The following PDXDC1 variants were observed in gnomAD, a reference collection of about 807,000 sequenced individuals.
The protein encoded by PDXDC1 is pyridoxal dependent decarboxylase domain containing 1.
In PDXDC1, 42 loss-of-function variants were observed where a neutral mutation model predicts 100.1. The ratio of observed to expected loss-of-function variants is 0.42; its 90% CI spans 0.33 to 0.54. PDXDC1 has a LOEUF of 0.54. Ranked by LOEUF, PDXDC1 falls within the 20% of genes least tolerant of loss-of-function variation. The pLI is 0.10. For missense variants in PDXDC1, 636 were observed against 979.2 expected (o/e 0.65, Z 4.68); for synonymous variants, 260 against 371.7 (o/e 0.70, Z 3.46).
chr16:15,037,526 A>T lies in PDXDC1; in HGVS notation c.*1251A>T, dbSNP rs2043539587. The stretch of plus-strand genomic sequence containing the variant: ...TAAACAGTCTTCCCTATTTGGTGCA[A>T]TGAAGTATAGCAGATAAAATGGGGG... On this transcript the variant is annotated 3_prime_UTR_variant, in exon 23 of 23. Coordinates refer to ENST00000396410, the MANE Select transcript of PDXDC1 (RefSeq NM_015027.4). 1 of 152,932 alleles carries T rather than the reference A, an allele frequency of 6.5e-6. No homozygotes were observed. Among genetic ancestry groups the T allele is most frequent in the Admixed American group, 6.5e-5 (1 of 15,326 alleles). 9.5% of individuals were successfully genotyped at this position (152,932 alleles called of 1,614,324 possible).
At chr16:15,146,604 G>A in the PDXDC1 span, among the ~76,000 whole-genome samples, 4 of 152,244 alleles carry the variant, frequency 2.6e-5, no homozygotes, top group Middle Eastern at 3.4e-3. Flanking sequence ...TGAAGGCACC[G>A]AGGCTGGGTG....
intron 16 of PDXDC1, chr16:15,128,314 C>A: frequency 6.2e-7 from 1 of 1,610,236 alleles, no homozygotes; most frequent in Non-Finnish European, 8.5e-7. Flanking sequence ...GTGGAAGGCT[C>A]TGTCGCCATC....
chr16:15,131,729 G>C (rs958323241), intron 16 of PDXDC1: 39 of 1,407,142 alleles, frequency 2.8e-5, no homozygotes, highest in Non-Finnish European at 3.4e-5. Context: ...CGTGAGGTCA[G>C]TGCAGAGACA....
rs2043356066 is a variant in PDXDC1 at position 15,035,439 on chromosome 16, T to C, written c.2003-10T>C. 1.3e-6 allele frequency: 2 copies of C among 1,576,498 alleles called. No homozygotes were observed. The highest frequency in any genetic ancestry group is 1.7e-6 in the Non-Finnish European group (2 of 1,155,254). ...CTGTAGCTTCTACCCAGCCCTCTCC[T>C]CTCCCGCAGGCTCTCTGGAGTCCAC... On this transcript the variant is annotated splice_polypyrimidine_tract_variant and intron_variant, in intron 21 of 22. Transcript: ENST00000396410.
At chr16:14,999,402 C>T (rs1446468512) in intron 3 of PDXDC1, among the ~76,000 whole-genome samples, 1 of 151,768 alleles carries the variant, frequency 6.6e-6, no homozygotes, top group African/African-American at 2.4e-5. Flanking sequence ...TTAATACAAC[C>T]TCATGAGTCA....
In PDXDC1 at chr16:15,072,849, G is replaced by T. The variant is rs1395483877; in HGVS notation, c.1399+42793G>T. 1.8e-5 allele frequency: 22 copies of T among 1,203,812 alleles called. No individual in the cohort carries two copies. In the Admixed American group the frequency reaches 1.8e-4, roughly 10 times the overall value. The allele number at this position is 1,203,812 out of a possible 1,614,324, so 74.6% of individuals were successfully genotyped here. On this transcript the variant is annotated intron_variant, in intron 16 of 16. Coordinates refer to the PDXDC1 transcript ENST00000535621. ...GACTAGCAAGTAAGCTCAAAGAAAA[G>T]AATTATTTACTTCATGGTCTCCGTC...
At position 15,060,245 on chromosome 16, in the gene PDXDC1, T is replaced by A. The variant is rs1364883103; in HGVS notation, c.1399+30189T>A. ...AATTTCGTTTACTCGTTTTATCTAA[T>A]ATTAAAAAATCAACATTTTGCCAGC... On this transcript the variant is annotated intron_variant, in intron 16 of 16. Transcript: ENST00000535621. The A allele has an allele frequency of 8.9e-6, 3 of 337,940 alleles. No individual in the cohort carries two copies. In the Admixed American group the frequency reaches 1.3e-4, roughly 14 times the overall value. The allele number at this position is 337,940 out of a possible 1,614,324, so 20.9% of individuals were successfully genotyped here. A position where few individuals can be genotyped will look rare whatever the true frequency, so the allele number is the denominator to read the frequency against.
intron 16 of PDXDC1, among the ~76,000 whole-genome samples, chr16:15,106,481 C>T (rs1453560962): frequency 4.0e-5 from 6 of 149,640 alleles, no homozygotes; most frequent in Non-Finnish European, 3.0e-5. Flanking sequence ...CTGAGCCGGT[C>T]ACGGTGGCTG....
intron 16 of PDXDC1, chr16:15,047,302 G>A (rs933262555): frequency 1.2e-5 from 8 of 653,274 alleles, no homozygotes; most frequent in African/African-American, 7.1e-5. Context: ...TGCCCACGTC[G>A]TGCCAGGTTC....
intron 16 of PDXDC1, among the ~76,000 whole-genome samples, chr16:15,089,561 G>A (rs1454008446): frequency 6.6e-6 from 1 of 152,122 alleles, no homozygotes; most frequent in East Asian, 1.9e-4. Flanking sequence ...AGCACTTTGG[G>A]AGGCCAAGGC....
the PDXDC1 span, among the ~76,000 whole-genome samples, chr16:15,148,321 T>C: frequency 6.6e-6 from 1 of 150,606 alleles, no homozygotes; most frequent in Non-Finnish European, 1.5e-5. Context: ...TCACACGCTG[T>C]TGGCCATCTG....
chr16:15,114,926 AAT>A (rs1491276881), intron 16 of PDXDC1, among the ~76,000 whole-genome samples: 25,134 of 94,416 alleles, frequency 0.27, 1,863 homozygotes, highest in Admixed American at 0.36. Context: ...AAAAAAAAAA[AAT>A]TTTTTTTTTT....
Position 15,033,784 on chromosome 16 carries a change from C to T in PDXDC1, c.1812+385C>T, listed in dbSNP as rs564143969. 1.8e-4 allele frequency among the ~76,000 whole-genome samples: 27 copies of T among 152,342 alleles called. No individual in the cohort carries two copies. In the South Asian group the frequency reaches 5.2e-3, roughly 29 times the overall value. Reference sequence around the variant, plus strand: ...GCTGTTGTATGTGTGGTTCCCCCTACACCCCTTCCCTATAGCACTTCCCAC... The same window carrying T: ...GCTGTTGTATGTGTGGTTCCCCCTATACCCCTTCCCTATAGCACTTCCCAC... On this transcript the variant is annotated intron_variant, in intron 19 of 22. Transcript: ENST00000396410.
chr16:15,124,729 ACCACTGCACT>A (rs1299179746), intron 16 of PDXDC1, among the ~76,000 whole-genome samples: 2 of 151,952 alleles, frequency 1.3e-5, no homozygotes, highest in Non-Finnish European at 2.9e-5. Context: ...CCGAGATTGC[ACCACTGCACT>A]CCAGCCTAGG....
At chr16:15,074,440 T>C (rs539004059) in intron 16 of PDXDC1, among the ~76,000 whole-genome samples, 2 of 152,318 alleles carry the variant, frequency 1.3e-5, no homozygotes, top group African/African-American at 4.8e-5. Flanking sequence ...ATTCAGCAAC[T>C]TGAGCGTAAT....
intron 3 of PDXDC1, among the ~76,000 whole-genome samples, chr16:15,001,273 G>A (rs1283333887): frequency 6.6e-6 from 1 of 152,272 alleles, no homozygotes; most frequent in Non-Finnish European, 1.5e-5. Flanking sequence ...TGGATCACTT[G>A]AAGCCAGGAG....
intron 16 of PDXDC1, chr16:15,044,451 G>A (rs777126487): frequency 2.0e-5 from 25 of 1,245,454 alleles, no homozygotes; most frequent in East Asian, 4.6e-5. Flanking sequence ...AGAAGACACC[G>A]GTGCGTGCGC....
intron 16 of PDXDC1, chr16:15,061,727 G>C (rs2044718851): frequency 6.3e-7 from 1 of 1,599,578 alleles, no homozygotes; most frequent in East Asian, 2.2e-5. Context: ...TCACATCTCA[G>C]TCACAAATTT....
At chr16:15,021,266 A>G (rs2042182014) in intron 12 of PDXDC1, among the ~76,000 whole-genome samples, 2 of 152,312 alleles carry the variant, frequency 1.3e-5, no homozygotes, top group South Asian at 4.2e-4. Flanking sequence ...GATCCCAGCT[A>G]CTCAGGAGGC....
Sources: allele counts gnomAD v4.1 joint callset (sites outside exome capture counted in the v4.1 genomes callset), GRCh38; gene constraint gnomAD v4.1.1; transcripts MANE v1.5; gene names NCBI Gene and HGNC (gene_info 2026-07-23, HGNC 2026-07-21).